The following RUFY1 variants were observed in gnomAD, a reference collection of about 807,000 sequenced individuals.
RUFY1 encodes the protein RUN and FYVE domain containing 1, also known as RUN and FYVE domain-containing protein 1.
A neutral mutation model predicts 94.6 loss-of-function variants in RUFY1; 54 were observed. That is an observed-to-expected ratio of 0.57 (90% CI 0.46 to 0.72). The LOEUF (loss-of-function observed/expected upper bound fraction) is 0.72. Ranked by LOEUF, RUFY1 falls within the 30% of genes least tolerant of loss-of-function variation. RUFY1 has a pLI of 0.00. For missense variants in RUFY1, 883 were observed against 883.9 expected (o/e 1.00, Z 0.01); for synonymous variants, 396 against 347.3 (o/e 1.14, Z -1.56).
At chr5:179,558,816 CTA>C (rs905614386) in intron 1 of RUFY1, among the ~76,000 whole-genome samples, 2 of 152,070 alleles carry the variant, frequency 1.3e-5, no homozygotes, top group African/African-American at 4.8e-5. Context: ...CTGTAATTAA[CTA>C]TATAAAAATA....
intron 3 of RUFY1, 58 bp downstream of exon 3, chr5:179,562,722 C>T (rs778429598): frequency 1.3e-5 from 12 of 920,330 alleles, no homozygotes; most frequent in Admixed American, 5.5e-5. Flanking sequence ...CATATTTACT[C>T]ATTTCTCAAT....
chr5:179,577,522 C>G (rs1763720647), intron 6 of RUFY1, among the ~76,000 whole-genome samples: 1 of 145,152 alleles, frequency 6.9e-6, no homozygotes, highest in South Asian at 2.2e-4. Flanking sequence ...AGCGGAGGGC[C>G]GGGTCTCCGG....
chr5:179,586,258 C>A (rs995769391), intron 8 of RUFY1: 3 of 454,022 alleles, frequency 6.6e-6, no homozygotes, highest in Non-Finnish European at 1.3e-5. Flanking sequence ...ATCCAGCCCA[C>A]CCCTTCTGCT....
chr5:179,568,977 C>G, intron 4 of RUFY1: 1 of 935,708 alleles, frequency 1.1e-6, no homozygotes, highest in Non-Finnish European at 1.3e-6. Context: ...TTCATATCAA[C>G]ACAGAACAGG....
At position 179,550,826 on chromosome 5, in the gene RUFY1, G is replaced by A. The variant is rs774870208; in HGVS notation, c.257G>A (p.Arg86His). 1.1e-4 allele frequency: 132 copies of A among 1,253,234 alleles called. 1 individual carries two copies. Among genetic ancestry groups the A allele is most frequent in the Non-Finnish European group, 2.6e-5 (26 of 1,003,294 alleles). The allele number at this position is 1,253,234 out of a possible 1,614,324, so 77.6% of individuals were successfully genotyped here. ...NLSASCGSAL[R>H]AAAGLGGGDS... ...TCGGCGAGCTGCGGGAGCGCGCTGC[G>A]CGCGGCCGCGGGGCTGGGCGGCGGG... is the stretch of plus-strand genomic sequence containing the variant. Residue 86 changes from arginine to histidine, a missense_variant, in exon 1 of 18, where the codon CGC (arginine) becomes CAC (histidine). Arg to His is a conservative substitution (Grantham distance 29). Coordinates refer to ENST00000319449, the MANE Select transcript of RUFY1 (RefSeq NM_025158.5).
At chr5:179,582,590 C>T (rs564649292) in intron 7 of RUFY1, among the ~76,000 whole-genome samples, 1 of 152,322 alleles carries the variant, frequency 6.6e-6, no homozygotes, top group South Asian at 2.1e-4. Context: ...TGGTGGCTCA[C>T]ACCTGTAATC....
chr5:179,559,943 AC>A (rs1762311843), intron 1 of RUFY1, 81 bp from the exon 2 acceptor site: 2 of 1,520,376 alleles, frequency 1.3e-6, no homozygotes, highest in East Asian at 4.7e-5. Context: ...CTCCTGCCTG[AC>A]CCGTCTTCTC....
At chr5:179,550,949 G>A (rs1757517592) in intron 1 of RUFY1, 70 bp downstream of exon 1, 1 of 1,013,034 alleles carries the variant, frequency 9.9e-7, no homozygotes, top group Non-Finnish European at 1.2e-6. Context: ...CGGGCGCGGT[G>A]GGGGCCGGGC....
rs1562134696 is a variant in RUFY1 at position 179,609,459 on chromosome 5, G to T, written c.2067G>T (p.Val689=). The part of the protein sequence containing the change: ...ELALPSYPKP[V]RVCDSCHTLL... ...CCCTGCCCTCCTACCCCAAGCCGGT[G>T]CGAGTGTGCGACAGCTGCCACACCC... is the stretch of plus-strand genomic sequence containing the variant. Residue 689 remains valine (V), a synonymous_variant, in exon 18 of 18, where the codon GTG becomes GTT. Coordinates refer to ENST00000319449, the MANE Select transcript of RUFY1 (RefSeq NM_025158.5). 1.2e-6 allele frequency: 2 copies of T among 1,612,086 alleles called. No individual in the cohort carries two copies. Among genetic ancestry groups the T allele is most frequent in the Non-Finnish European group, 1.7e-6 (2 of 1,179,782 alleles).
chr5:179,591,416 C>T (rs978910679), intron 9 of RUFY1, among the ~76,000 whole-genome samples: 1 of 152,004 alleles, frequency 6.6e-6, no homozygotes, highest in African/African-American at 2.4e-5. Flanking sequence ...GATCGCCTGA[C>T]CTCGTGATCC....
chr5:179,591,977 A>T (rs1272851531), intron 10 of RUFY1, among the ~76,000 whole-genome samples: 1 of 151,720 alleles, frequency 6.6e-6, no homozygotes, highest in African/African-American at 2.4e-5. Flanking sequence ...ACGGAGTCTC[A>T]CTCTGTTGTC....
In RUFY1 at chr5:179,609,669, A is replaced by C; in HGVS notation, c.*150A>C. ...GGCACTCCAGAAGACAGCGTGCCGG[A>C]ACCGGCAGCTCTCACCTTTCTGTGA... On this transcript the variant is annotated 3_prime_UTR_variant, in exon 18 of 18. Transcript: ENST00000319449. The C allele has an allele frequency of 1.4e-6, 1 of 703,292 alleles. No homozygotes were observed. Among genetic ancestry groups the C allele is most frequent in the Non-Finnish European group, 2.2e-6 (1 of 452,184 alleles). The allele number at this position is 703,292 out of a possible 1,614,324, so 43.6% of individuals were successfully genotyped here.
At chr5:179,562,338 C>G (rs1173300471) in intron 2 of RUFY1, among the ~76,000 whole-genome samples, 3 of 152,038 alleles carry the variant, frequency 2.0e-5, no homozygotes, top group African/African-American at 7.2e-5. Context: ...ACCCGGGAGG[C>G]AGAGGTTGTA....
Position 179,550,896 on chromosome 5 carries a change from T to A in RUFY1, c.310+17T>A. 1.8e-6 allele frequency: 2 copies of A among 1,128,080 alleles called. No homozygotes were observed. Among genetic ancestry groups the A allele is most frequent in the Non-Finnish European group, 1.1e-6 (1 of 923,330 alleles). 69.9% of individuals were successfully genotyped at this position (1,128,080 alleles called of 1,614,324 possible). A position where few individuals can be genotyped will look rare whatever the true frequency, so the allele number is the denominator to read the frequency against. On this transcript the variant is annotated intron_variant, in intron 1 of 17. Transcript: ENST00000319449. ...CGCGCGCAGGTAGGCTCGGGCCGGG[T>A]CTGTCCCGCGGCGGACTCGCGTGTC...
At chr5:179,606,656 CAG>C (rs1767117899) in intron 16 of RUFY1, 1 of 152,594 alleles carries the variant, frequency 6.6e-6, no homozygotes. Flanking sequence ...AGTGCCAGGT[CAG>C]GGGCAGCAAC....
intron 1 of RUFY1, among the ~76,000 whole-genome samples, chr5:179,555,952 C>T (rs1762098027): frequency 6.6e-6 from 1 of 151,982 alleles, no homozygotes; most frequent in Admixed American, 6.6e-5. Context: ...CCCACCTCGG[C>T]CTCCCAAAGT....
chr5:179,595,683 CT>C (rs1178550756), intron 12 of RUFY1, among the ~76,000 whole-genome samples: 1 of 151,960 alleles, frequency 6.6e-6, no homozygotes, highest in African/African-American at 2.4e-5. Flanking sequence ...TCCCAAGTAG[CT>C]GGGATTACAG....
chr5:179,587,003 C>T (rs1454288227), intron 8 of RUFY1, among the ~76,000 whole-genome samples: 8 of 152,198 alleles, frequency 5.3e-5, no homozygotes, highest in Admixed American at 1.3e-4. Context: ...GTCAAGATGG[C>T]GTGCTTTGAT....
chr5:179,591,026 G>T (rs1267406225), intron 9 of RUFY1: 2 of 151,612 alleles, frequency 1.3e-5, no homozygotes, highest in African/African-American at 4.9e-5. Context: ...TAGAGACAGG[G>T]TTTCACCATG....
Sources: allele counts gnomAD v4.1 joint callset (sites outside exome capture counted in the v4.1 genomes callset), GRCh38; gene constraint gnomAD v4.1.1; transcripts MANE v1.5; gene names NCBI Gene and HGNC (gene_info 2026-07-23, HGNC 2026-07-21).